CCDC146: variants seen among roughly 807,000 people sequenced by gnomAD.
CCDC146 encodes coiled-coil domain-containing protein 146.
In CCDC146, 92 loss-of-function variants were observed where a neutral mutation model predicts 119.3. The ratio of observed to expected loss-of-function variants is 0.77; its 90% CI spans 0.65 to 0.92. The LOEUF is 0.92. CCDC146 is among the 40% of genes least tolerant of loss of function. CCDC146 has a pLI of 0.00. For synonymous variants in CCDC146, 372 were observed against 371.8 expected, an observed-to-expected ratio of 1.00 and a Z score of -0.01; for missense variants, 1,000 against 1,103.0, an observed-to-expected ratio of 0.91 and a Z score of 1.32.
intron 2 of CCDC146, among the ~76,000 whole-genome samples, chr7:77,236,068 C>CATAAATAAATAAATAAATAA (rs141909777): frequency 0.047 from 6,988 of 147,368 alleles, 194 homozygotes; most frequent in Non-Finnish European, 0.058. Flanking sequence ...GAGACTCCGT[C>CATAAATAAATAAATAAATAA]ATAAATAAAT....
At chr7:77,181,372 ATAGT>A (rs1424563127) in intron 2 of CCDC146, among the ~76,000 whole-genome samples, 1 of 151,690 alleles carries the variant, frequency 6.6e-6, no homozygotes, top group Non-Finnish European at 1.5e-5. Context: ...AGACTCTGGA[ATAGT>A]TAGTTGGCAT....
At chr7:77,165,174 G>C (rs2024327) in intron 1 of CCDC146, among the ~76,000 whole-genome samples, 80,977 of 150,906 alleles carry the variant, frequency 0.54, 22,091 homozygotes, top group African/African-American at 0.62. Flanking sequence ...CTTTTAGAAA[G>C]TGTTGTGGAT....
chr7:77,183,569 T>C (rs549968263), intron 2 of CCDC146, among the ~76,000 whole-genome samples: 1 of 152,268 alleles, frequency 6.6e-6, no homozygotes, highest in Admixed American at 6.5e-5. Context: ...TCTTTGCCCA[T>C]CCTGCACCCA....
intron 1 of CCDC146, among the ~76,000 whole-genome samples, chr7:77,145,373 T>C (rs1397966299): frequency 1.3e-5 from 2 of 151,858 alleles, no homozygotes; most frequent in Non-Finnish European, 2.9e-5. Context: ...AACCAGCTCC[T>C]GGATTCATTG....
intron 2 of CCDC146, among the ~76,000 whole-genome samples, chr7:77,212,950 ATTTTT>A (rs5885013): frequency 1.8e-5 from 2 of 111,280 alleles, no homozygotes; most frequent in African/African-American, 3.6e-5. Context: ...GGTCACATTA[ATTTTT>A]TTTTTTTTTT....
intron 1 of CCDC146, among the ~76,000 whole-genome samples, chr7:77,127,210 G>T (rs1790700616): frequency 6.6e-6 from 1 of 152,136 alleles, no homozygotes; most frequent in South Asian, 2.1e-4. Context: ...GCTCCTGCCT[G>T]CTCCATGTTG....
intron 2 of CCDC146, among the ~76,000 whole-genome samples, chr7:77,192,848 A>G (rs1249590770): frequency 6.6e-6 from 1 of 152,116 alleles, no homozygotes; most frequent in Non-Finnish European, 1.5e-5. Flanking sequence ...GCGTGAACCC[A>G]GGAGGCAGAG....
chr7:77,123,634 T>C (rs1790656244), intron 1 of CCDC146, among the ~76,000 whole-genome samples: 1 of 152,146 alleles, frequency 6.6e-6, no homozygotes, highest in African/African-American at 2.4e-5. Context: ...TTTCATAAAA[T>C]GCAAGTGCCT....
At chr7:77,244,118 T>C (rs1792901428) in intron 4 of CCDC146, among the ~76,000 whole-genome samples, 1 of 152,156 alleles carries the variant, frequency 6.6e-6, no homozygotes, top group Non-Finnish European at 1.5e-5. Flanking sequence ...ATGTCTTTGT[T>C]TTTAACAAAA....
intron 2 of CCDC146, among the ~76,000 whole-genome samples, chr7:77,222,479 T>C (rs1792423235): frequency 6.6e-6 from 1 of 152,168 alleles, no homozygotes. Flanking sequence ...AGCTGGGGTA[T>C]ACTGACAGAC....
Position 77,196,548 on chromosome 7 carries a change from G to A in CCDC146, c.156+28724G>A. 1 of 1,614,146 alleles carries A rather than the reference G, an allele frequency of 6.2e-7. No individual in the cohort carries two copies. Among genetic ancestry groups the A allele is most frequent in the Non-Finnish European group, 8.5e-7 (1 of 1,180,000 alleles). Reference sequence around the variant, plus strand: ...GGAGTGGTGAAAAACTTCAGATCGTGGTTGTAATGTTTGTTGAAACGTAAT... The same window carrying A: ...GGAGTGGTGAAAAACTTCAGATCGTAGTTGTAATGTTTGTTGAAACGTAAT... On this transcript the variant is annotated intron_variant, in intron 2 of 18. Transcript: ENST00000285871. This position sits in a 1 kb window ranked among gnomAD's most constrained non-coding sequence, Gnocchi z 4.2.
At position 77,280,663 on chromosome 7, in the gene CCDC146, A is replaced by G. The variant is rs1032404367; in HGVS notation, c.1919+10A>G. The G allele has an allele frequency of 2.5e-6, 4 of 1,593,240 alleles. No homozygotes were observed. Among genetic ancestry groups the G allele is most frequent in the South Asian group, 1.1e-5 (1 of 88,496 alleles). ...AGCATCGAAATGAAAGGTAAAAACCAGGTGTGAGAACAGAGCACCAGGGAT... is the reference window on the plus strand; with the variant it reads ...AGCATCGAAATGAAAGGTAAAAACCGGGTGTGAGAACAGAGCACCAGGGAT... On this transcript the variant is annotated intron_variant, in intron 14 of 18. Coordinates refer to ENST00000285871, the MANE Select transcript of CCDC146 (RefSeq NM_020879.3).
chr7:77,137,811 G>A (rs2539154), intron 1 of CCDC146, among the ~76,000 whole-genome samples: 9 of 151,946 alleles, frequency 5.9e-5, no homozygotes, highest in Admixed American at 3.3e-4. Context: ...GGAGAAGAAC[G>A]AAATTGGAGG....
intron 1 of CCDC146, among the ~76,000 whole-genome samples, chr7:77,126,891 C>T (rs938723549): frequency 2.6e-5 from 4 of 152,056 alleles, no homozygotes; most frequent in African/African-American, 7.3e-5. Flanking sequence ...GCCTTCAGGC[C>T]CTCCCTGGAC....
intron 2 of CCDC146, among the ~76,000 whole-genome samples, chr7:77,231,108 T>C (rs760137764): frequency 6.6e-5 from 10 of 152,196 alleles, no homozygotes; most frequent in Non-Finnish European, 1.0e-4. Context: ...ATGTGAATCA[T>C]CCCTTTGTCC....
rs533444676 is a variant in CCDC146, at chr7:77,244,714, G to A, written c.449+2814G>A. On this transcript the variant is annotated intron_variant, in intron 4 of 18. Coordinates refer to ENST00000285871, the MANE Select transcript of CCDC146 (RefSeq NM_020879.3). The stretch of plus-strand genomic sequence containing the variant: ...CACAATGATGAAGTTGCCTAACGAC[G>A]CGTCTCTCAGAATATATTCCCATTG... Among the ~76,000 whole-genome samples the A allele has an allele frequency of 5.9e-5, 9 of 152,280 alleles. No homozygotes were observed. The South Asian group carries it at 1.7e-3, about 28-fold the overall frequency.
At chr7:77,271,244 G>A (rs1348050428) in intron 9 of CCDC146, among the ~76,000 whole-genome samples, 2 of 151,620 alleles carry the variant, frequency 1.3e-5, no homozygotes, top group African/African-American at 2.4e-5. Flanking sequence ...AATCTAATCA[G>A]CTGCCGGTGT....
At chr7:77,190,464 A>G (rs2150423586) in intron 2 of CCDC146, among the ~76,000 whole-genome samples, 1 of 152,326 alleles carries the variant, frequency 6.6e-6, no homozygotes, top group East Asian at 1.9e-4. Context: ...GCATGCCCTG[A>G]TGATGAATCT....
chr7:77,259,503 C>T (rs1351536562), intron 7 of CCDC146, among the ~76,000 whole-genome samples: 1 of 152,000 alleles, frequency 6.6e-6, no homozygotes, highest in Non-Finnish European at 1.5e-5. Context: ...GATTGGGAGG[C>T]AGAGGTCATT....
Sources: allele counts gnomAD v4.1 joint callset (sites outside exome capture counted in the v4.1 genomes callset), GRCh38; gene constraint gnomAD v4.1.1; non-coding constraint Gnocchi (gnomAD v3.1); transcripts MANE v1.5; gene names NCBI Gene and HGNC (gene_info 2026-07-23, HGNC 2026-07-21).